Variants in RARA observed in about 807,000 individuals in gnomAD.
RARA encodes the protein PML-DDX5-RARA fusion.
A neutral mutation model predicts 42.8 loss-of-function variants in RARA; 5 were observed. The observed-to-expected ratio is 0.12, with a 90% CI of 0.06 to 0.25. The LOEUF (loss-of-function observed/expected upper bound fraction) is 0.25, where lower values mean the gene tolerates loss of function less well. Ranked by LOEUF, RARA falls within the 10% of genes least tolerant of loss-of-function variation. The probability of loss-of-function intolerance (pLI) is 1.00; values close to 1 mark genes in which losing one functional copy is unlikely to be tolerated. For missense variants in RARA, 402 were observed against 628.7 expected (o/e 0.64, Z 3.86); for synonymous variants, 256 against 259.5 (o/e 0.99, Z 0.13).
At chr17:40,335,205 G>A (rs1353005321) in intron 2 of RARA, among the ~76,000 whole-genome samples, 1 of 152,138 alleles carries the variant, frequency 6.6e-6, no homozygotes, top group African/African-American at 2.4e-5. Context: ...CTGTGTGTTG[G>A]TGTTGGGGCT....
At position 40,331,253 on chromosome 17, in the gene RARA, G is replaced by C. The variant is rs137929765; in HGVS notation, c.35G>C (p.Gly12Ala). Residue 12 changes from glycine (G) to alanine (A), a missense_variant, in exon 2 of 9, where the codon GGG (glycine) becomes GCG (alanine). By Grantham distance (60) the Gly-to-Ala change is moderately conservative. Around this residue, in one of 5 missense-constraint regions of RARA, gnomAD observed 91 missense variants for 105.2 expected, o/e 0.87. Transcript: ENST00000254066. ...AACAGCAGCTCCTGCCCGACACCTGGGGGCGGGCACCTCAATGGGTACCCG... is the reference window on the plus strand; with the variant it reads ...AACAGCAGCTCCTGCCCGACACCTGCGGGCGGGCACCTCAATGGGTACCCG... ...ASNSSSCPTP[G>A]GGHLNGYPVP... 4.8e-5 allele frequency: 78 copies of C among 1,613,218 alleles called. No homozygotes were observed. Among genetic ancestry groups the C allele is most frequent in the Non-Finnish European group, 5.9e-5 (70 of 1,179,824 alleles).
intron 1 of RARA, chr17:40,318,570 C>T (rs1001153721): frequency 1.3e-5 from 2 of 152,240 alleles, no homozygotes; most frequent in African/African-American, 4.8e-5. Context: ...CGACGGGAAC[C>T]CGGGGTTTCC....
Position 40,311,265 on chromosome 17 carries a change from A to G in RARA, c.-363+1979A>G, listed in dbSNP as rs546764010. On this transcript the variant is annotated intron_variant, in intron 1 of 8. Transcript: ENST00000254066. ...GGATGGTATGAGGACTGCCCCTGGC[A>G]CTGCCCCGGCCTCCCAAGCACCACC... Among the ~76,000 whole-genome samples, 46 of 152,156 alleles carry G rather than the reference A, an allele frequency of 3.0e-4. No individual in the cohort carries two copies. The South Asian group carries it at 9.3e-3, about 31-fold the overall frequency.
chr17:40,330,477 T>A (rs2033662340), intron 1 of RARA, among the ~76,000 whole-genome samples: 1 of 152,058 alleles, frequency 6.6e-6, no homozygotes, highest in Admixed American at 6.5e-5. Context: ...TCCCCCTCCC[T>A]CTTCCCCCCC....
At chr17:40,350,140 G>T in intron 4 of RARA, 1 of 642,808 alleles carries the variant, frequency 1.6e-6, no homozygotes, top group Non-Finnish European at 2.6e-6. Context: ...TCTGTGCTCC[G>T]GGACCGTGTA....
intron 2 of RARA, among the ~76,000 whole-genome samples, chr17:40,333,224 A>G (rs1446524067): frequency 6.6e-6 from 1 of 152,058 alleles, no homozygotes; most frequent in Admixed American, 6.6e-5. Context: ...TACTTTTGGT[A>G]TTTTTAGTAG....
chr17:40,322,294 G>T (rs1324853361), intron 1 of RARA, among the ~76,000 whole-genome samples: 1 of 151,916 alleles, frequency 6.6e-6, no homozygotes, highest in Non-Finnish European at 1.5e-5. Flanking sequence ...GGAAGAGGTG[G>T]CAGGGGAGAG....
At position 40,351,664 on chromosome 17, in the gene RARA, G is replaced by A; in HGVS notation, c.470-246G>A. On this transcript the variant is annotated intron_variant, in intron 4 of 8. Transcript: ENST00000254066. This position sits in a 1 kb window ranked among gnomAD's most constrained non-coding sequence, Gnocchi z 4.1. Reference sequence around the variant, plus strand: ...TGCGGCTGGCTATGGGGTGGGGTGGGGGGTGTGTGCAGGGCCACAGCTGTG... The same window carrying A: ...TGCGGCTGGCTATGGGGTGGGGTGGAGGGTGTGTGCAGGGCCACAGCTGTG... 1.7e-6 allele frequency: 1 copy of A among 573,124 alleles called. No individual in the cohort carries two copies. Among genetic ancestry groups the A allele is most frequent in the East Asian group, 3.0e-5 (1 of 33,062 alleles). The allele number at this position is 573,124 out of a possible 1,614,324, so 35.5% of individuals were successfully genotyped here.
At chr17:40,315,800 C>T (rs2033201734) in intron 1 of RARA, among the ~76,000 whole-genome samples, 1 of 152,160 alleles carries the variant, frequency 6.6e-6, no homozygotes, top group South Asian at 2.1e-4. Flanking sequence ...CCTTCACTTC[C>T]TCTAGTTTGA....
At chr17:40,347,517 A>G (rs1227265088) in intron 2 of RARA, among the ~76,000 whole-genome samples, 1 of 152,050 alleles carries the variant, frequency 6.6e-6, no homozygotes, top group East Asian at 1.9e-4. Flanking sequence ...GCCCTCTTGG[A>G]GCTGAATAAC....
chr17:40,352,583 C>T lies in RARA; in HGVS notation c.807+76C>T. On this transcript the variant is annotated intron_variant, in intron 6 of 8. Coordinates refer to ENST00000254066, the MANE Select transcript of RARA (RefSeq NM_000964.4). This position sits in a 1 kb window ranked among gnomAD's most constrained non-coding sequence, Gnocchi z 4.9. ...ATGTCCTTCCAGCCAGACAGCCACC[C>T]TCCTAAATGTCTGTCTGCAATCAAC... 1.5e-6 allele frequency: 2 copies of T among 1,323,420 alleles called. No homozygotes were observed. The highest frequency in any genetic ancestry group is 2.0e-6 in the Non-Finnish European group (2 of 984,474). 82.0% of individuals were successfully genotyped at this position (1,323,420 alleles called of 1,614,324 possible).
chr17:40,342,565 G>A, intron 2 of RARA: 1 of 1,353,876 alleles, frequency 7.4e-7, no homozygotes, highest in East Asian at 3.0e-5. Context: ...GGCAGGGGGC[G>A]CCCCCTGCCC....
intron 2 of RARA, among the ~76,000 whole-genome samples, chr17:40,344,300 A>G (rs1368407309): frequency 1.3e-5 from 2 of 152,146 alleles, no homozygotes; most frequent in African/African-American, 4.8e-5. Context: ...TGTAGACACA[A>G]GAGGGAAGGT....
intron 1 of RARA, among the ~76,000 whole-genome samples, chr17:40,323,963 G>A (rs2033466940): frequency 6.6e-6 from 1 of 152,060 alleles, no homozygotes; most frequent in South Asian, 2.1e-4. Flanking sequence ...CGCAGGGTTG[G>A]GCTGAGCTGA....
chr17:40,322,738 G>A (rs1031302986), intron 1 of RARA, among the ~76,000 whole-genome samples: 3 of 152,064 alleles, frequency 2.0e-5, no homozygotes, highest in South Asian at 2.1e-4. Context: ...GGGGGTTAAG[G>A]GGGGGACCCA....
intron 1 of RARA, among the ~76,000 whole-genome samples, chr17:40,324,423 C>A (rs796998219): frequency 3.3e-5 from 5 of 152,170 alleles, no homozygotes; most frequent in African/African-American, 1.2e-4. Context: ...TCTCAGACAC[C>A]CTGGGCTTCA....
chr17:40,343,385 G>C (rs1178266038), intron 2 of RARA, among the ~76,000 whole-genome samples: 2 of 152,200 alleles, frequency 1.3e-5, no homozygotes, highest in South Asian at 4.1e-4. Flanking sequence ...GGAGCACTCA[G>C]TGTCTTTGGT....
chr17:40,357,407 C>G lies in RARA; in HGVS notation c.*1181C>G, dbSNP rs2034676443. 4.3e-6 allele frequency: 1 copy of G among 233,826 alleles called. No individual in the cohort carries two copies. Among genetic ancestry groups the G allele is most frequent in the African/African-American group, 2.2e-5 (1 of 45,330 alleles). 14.5% of individuals were successfully genotyped at this position (233,826 alleles called of 1,614,324 possible). A position where few individuals can be genotyped will look rare whatever the true frequency, so the allele number is the denominator to read the frequency against. On this transcript the variant is annotated 3_prime_UTR_variant, in exon 9 of 9. Coordinates refer to ENST00000254066, the MANE Select transcript of RARA (RefSeq NM_000964.4). ...ACTTGGCCCGAGTTCCTCCATTTCC[C>G]TGGCCTGCCCCCCACCCCCAACCTG...
intron 1 of RARA, among the ~76,000 whole-genome samples, chr17:40,321,628 C>A (rs2143202242): frequency 6.6e-6 from 1 of 152,334 alleles, no homozygotes; most frequent in East Asian, 1.9e-4. Flanking sequence ...AGTGACACCT[C>A]CTTCTACTTA....
Sources: gnomAD v4.1 joint callset for allele counts (sites outside exome capture counted in the v4.1 genomes callset) on GRCh38, gnomAD v4.1.1 for gene constraint, gnomAD v4.1.1 regional missense constraint, Gnocchi (gnomAD v3.1) non-coding constraint, MANE v1.5 for transcripts, NCBI Gene and HGNC (gene_info 2026-07-23, HGNC 2026-07-21) for gene names.